Variants in SHB observed in about 807,000 individuals in gnomAD.
SHB encodes SH2 domain containing adaptor protein B.
SHB carries 20 observed loss-of-function variants against 52.3 expected under a neutral mutation model. The ratio of observed to expected loss-of-function variants is 0.38; its 90% CI spans 0.27 to 0.56. SHB has a LOEUF of 0.56. Among genes scored for constraint, SHB ranks in the 20% least tolerant of loss-of-function variants. The pLI, the probability that SHB is intolerant of heterozygous loss-of-function variation, is 0.71. For synonymous variants in SHB, 397 were observed against 316.5 expected (o/e 1.25, Z -2.70); for missense variants, 825 against 723.3 (o/e 1.14, Z -1.61).
intron 1 of SHB, among the ~76,000 whole-genome samples, chr9:38,056,595 G>C (rs1044596082): frequency 6.6e-5 from 10 of 152,216 alleles, no homozygotes; most frequent in African/African-American, 2.4e-4. Flanking sequence ...GTCTCCCAAA[G>C]TACTGGGATT....
chr9:37,928,568 A>G (rs1249540742), intron 5 of SHB, among the ~76,000 whole-genome samples: 1 of 152,200 alleles, frequency 6.6e-6, no homozygotes, highest in African/African-American at 2.4e-5. Flanking sequence ...AGCCCCCACA[A>G]CAAAGAATAA....
At chr9:38,039,247 A>G (rs1821536347) in intron 1 of SHB, among the ~76,000 whole-genome samples, 1 of 152,272 alleles carries the variant, frequency 6.6e-6, no homozygotes, top group Non-Finnish European at 1.5e-5. Context: ...CCTAAAAACA[A>G]AAAACCACTT....
chr9:38,019,533 T>C (rs2118085648), intron 1 of SHB, among the ~76,000 whole-genome samples: 1 of 152,384 alleles, frequency 6.6e-6, no homozygotes, highest in Admixed American at 6.5e-5. Flanking sequence ...AAGGTGGGTG[T>C]TGCCCCTTGG....
Position 37,919,751 on chromosome 9 carries a change from T to TGGTTGGTG in SHB, c.*62_*69dup. On this transcript the variant is annotated 3_prime_UTR_variant, in exon 6 of 6. Transcript: ENST00000377707. Reference sequence around the variant, plus strand: ...ACACAGCCAGCAACAGTGGCTGGGCTGGTTGGTGGGGGGCCTCTGGCACCT... The same window carrying TGGTTGGTG: ...ACACAGCCAGCAACAGTGGCTGGGCTGGTTGGTGGGTTGGTGGGGGGCCTCTGGCACCT... The TGGTTGGTG allele has an allele frequency of 8.1e-7, 1 of 1,238,674 alleles. No homozygotes were observed. The highest frequency in any genetic ancestry group is 1.2e-6 in the Non-Finnish European group (1 of 851,672). 76.7% of individuals were successfully genotyped at this position (1,238,674 alleles called of 1,614,324 possible).
chr9:38,015,330 C>G (rs2183130), intron 2 of SHB: 311,239 of 676,646 alleles, frequency 0.46, 73,572 homozygotes, highest in Middle Eastern at 0.52. Context: ...TGCTCCAAGT[C>G]TTGTATTATC....
intron 2 of SHB, among the ~76,000 whole-genome samples, chr9:37,984,687 G>T (rs949757692): frequency 1.3e-5 from 2 of 152,194 alleles, no homozygotes; most frequent in Non-Finnish European, 2.9e-5. Flanking sequence ...CGGAGTGAGC[G>T]ATGAGCTCTG....
intron 2 of SHB, among the ~76,000 whole-genome samples, chr9:37,975,897 C>A (rs549326631): frequency 6.6e-6 from 1 of 152,052 alleles, no homozygotes; most frequent in African/African-American, 2.4e-5. Flanking sequence ...TCAGCTCTGA[C>A]AAGTGGAAGC....
intron 1 of SHB, among the ~76,000 whole-genome samples, chr9:38,025,393 C>A (rs997591907): frequency 6.6e-6 from 1 of 152,194 alleles, no homozygotes; most frequent in Non-Finnish European, 1.5e-5. Flanking sequence ...TACGAGTGCT[C>A]CCCTAGGGGC....
Position 38,016,012 on chromosome 9 carries a change from T to G in SHB, c.837A>C (p.Thr279=). ...MEPYEAQRIM[T]EFQRQESVRS... is the part of the protein sequence containing the mutation. Reference sequence around the variant, plus strand: ...CCCCTGCGCTTCAGCTCCACTTACCTGTCATGATCCTCTGTGCCTCATAGG... The same window carrying G: ...CCCCTGCGCTTCAGCTCCACTTACCGGTCATGATCCTCTGTGCCTCATAGG... The change falls in exon 2 of 6, where the codon ACA becomes ACC. Residue 279 remains threonine (T), a splice_region_variant and synonymous_variant. Transcript: ENST00000377707. 1 of 1,614,084 alleles carries G rather than the reference T, an allele frequency of 6.2e-7. No homozygotes were observed. The highest frequency in any genetic ancestry group is 8.5e-7 in the Non-Finnish European group (1 of 1,179,966).
chr9:38,030,283 G>A (rs1446996695), intron 1 of SHB, among the ~76,000 whole-genome samples: 1 of 152,190 alleles, frequency 6.6e-6, no homozygotes, highest in African/African-American at 2.4e-5. Context: ...CCTCAGAGAT[G>A]TTGAGCCCCC....
chr9:38,005,513 G>A (rs1034468664), intron 2 of SHB, among the ~76,000 whole-genome samples: 1 of 152,164 alleles, frequency 6.6e-6, no homozygotes, highest in Non-Finnish European at 1.5e-5. Context: ...TCCCTCCCTT[G>A]CATCACCAGG....
At chr9:38,066,724 G>A (rs1372924773) in intron 1 of SHB, among the ~76,000 whole-genome samples, 2 of 152,132 alleles carry the variant, frequency 1.3e-5, no homozygotes, top group Non-Finnish European at 2.9e-5. Context: ...AGAAAAACTA[G>A]AGGGACATTC....
At chr9:38,018,088 T>C (rs947990551) in intron 1 of SHB, among the ~76,000 whole-genome samples, 1 of 151,808 alleles carries the variant, frequency 6.6e-6, no homozygotes, top group African/African-American at 2.4e-5. Flanking sequence ...ACATGCTCCA[T>C]CTATTTTGCA....
intron 1 of SHB, among the ~76,000 whole-genome samples, chr9:38,032,410 A>T (rs1821427000): frequency 6.6e-6 from 1 of 152,202 alleles, no homozygotes. Context: ...TTCTAAGTCC[A>T]GGCTCCTTCT....
At chr9:38,030,391 G>A (rs1295140385) in intron 1 of SHB, among the ~76,000 whole-genome samples, 1 of 152,162 alleles carries the variant, frequency 6.6e-6, no homozygotes, top group Non-Finnish European at 1.5e-5. Flanking sequence ...TCACTGCTGC[G>A]ATTCCTCCCA....
chr9:38,064,332 GGTCC>G (rs895260280), intron 1 of SHB, among the ~76,000 whole-genome samples: 1 of 152,052 alleles, frequency 6.6e-6, no homozygotes, highest in African/African-American at 2.4e-5. Flanking sequence ...TCCCCTGTGG[GGTCC>G]AACTTCAAGC....
intron 1 of SHB, among the ~76,000 whole-genome samples, chr9:38,048,524 C>T (rs955285575): frequency 1.3e-5 from 2 of 152,044 alleles, no homozygotes; most frequent in East Asian, 3.9e-4. Context: ...GTCCCAGCTA[C>T]GTGGGAGGCT....
intron 1 of SHB, among the ~76,000 whole-genome samples, chr9:38,051,813 T>C (rs1274408477): frequency 1.3e-5 from 2 of 152,130 alleles, no homozygotes; most frequent in East Asian, 1.9e-4. Context: ...GAGTGGTGAA[T>C]GTGTAAGGAA....
At chr9:37,970,245 TGGACG>T in intron 3 of SHB, among the ~76,000 whole-genome samples, 1 of 152,250 alleles carries the variant, frequency 6.6e-6, no homozygotes, top group Non-Finnish European at 1.5e-5. Flanking sequence ...GTTTGCTGTT[TGGACG>T]GCTCCAAGTA....
Sources: allele counts gnomAD v4.1 joint callset (sites outside exome capture counted in the v4.1 genomes callset), GRCh38; gene constraint gnomAD v4.1.1; transcripts MANE v1.5; gene names NCBI Gene and HGNC (gene_info 2026-07-23, HGNC 2026-07-21).